The following OR9I1 variants were observed in gnomAD, a reference collection of about 807,000 sequenced individuals.
OR9I1 encodes olfactory receptor 9I1.
In OR9I1, 7 loss-of-function variants were observed where a neutral mutation model predicts 11.2. The observed-to-expected ratio is 0.62, with a 90% confidence interval of 0.36 to 1.17. The LOEUF (loss-of-function observed/expected upper bound fraction) is 1.17. OR9I1 is among the 50% of genes most tolerant of loss of function. The pLI, the probability that OR9I1 is intolerant of heterozygous loss-of-function variation, is 0.02. For synonymous variants in OR9I1, 165 were observed against 153.4 expected, an observed-to-expected ratio of 1.08 and a Z score of -0.56; for missense variants, 428 against 377.2, an observed-to-expected ratio of 1.13 and a Z score of -1.12.
In OR9I1 at chr11:58,118,946, A is replaced by G; in HGVS notation, c.499T>C (p.Ser167Pro). The G allele has an allele frequency of 6.2e-7, 1 of 1,613,998 alleles. No homozygotes were observed. Among genetic ancestry groups the G allele is most frequent in the Non-Finnish European group, 8.5e-7 (1 of 1,179,994 alleles). The change falls in exon 3 of 3, where the codon TCC becomes CCC. Residue 167 changes from serine (S) to proline (P), a missense_variant. Ser to Pro is a moderately conservative substitution (Grantham distance 74, BLOSUM62 -1). Coordinates refer to ENST00000641439, the MANE Select transcript of OR9I1 (RefSeq NM_001005211.2). ...TTTATTTGATTGTCCTTACAGAAGG[A>G]GAGGGTGAAGGTGCAAGTGGTACGC... Reference protein sequence around the residue: ...ILRTTCTFTLSFCKDNQINFF... With the variant: ...ILRTTCTFTLPFCKDNQINFF...
In OR9I1 at chr11:58,119,001, G is replaced by A. The variant is rs536724436; in HGVS notation, c.444C>T (p.Ala148=). The A allele has an allele frequency of 6.2e-7, 1 of 1,613,896 alleles. No individual in the cohort carries two copies. Among genetic ancestry groups the A allele is most frequent in the East Asian group, 2.2e-5 (1 of 44,798 alleles). ...PRLCWSLVVG[A]YVCGVSGAIL... ...TGGCTCCTGACACCCCACAGACATA[G>A]GCTCCTACCACCAGGCTCCAGCAGA... The change falls in exon 3 of 3, where the codon GCC becomes GCT. Residue 148 remains alanine, a synonymous_variant. Coordinates refer to ENST00000641439, the MANE Select transcript of OR9I1 (RefSeq NM_001005211.2).
intron 2 of OR9I1, among the ~76,000 whole-genome samples, chr11:58,123,487 T>G (rs930442826): frequency 6.6e-6 from 1 of 152,198 alleles, no homozygotes. Context: ...GGGGTGCAGA[T>G]GCAATCACAC....
At chr11:58,123,659 A>G (rs1854058472) in intron 2 of OR9I1, among the ~76,000 whole-genome samples, 1 of 152,202 alleles carries the variant, frequency 6.6e-6, no homozygotes, top group Admixed American at 6.5e-5. Context: ...CTAGGAAGGA[A>G]CAGAACAGAC....
Position 58,119,216 on chromosome 11 carries a change from T to C in OR9I1, c.229A>G (p.Ile77Val), listed in dbSNP as rs751690017. 1 of 1,613,904 alleles carries C rather than the reference T, an allele frequency of 6.2e-7. No individual in the cohort carries two copies. Among genetic ancestry groups the C allele is most frequent in the Non-Finnish European group, 8.5e-7 (1 of 1,179,900 alleles). Residue 77 changes from isoleucine to valine, a missense_variant, in exon 3 of 3, where the codon ATC (isoleucine) becomes GTC (valine). By Grantham distance (29) the Ile-to-Val change is conservative. Transcript: ENST00000641439. ...SLLDACYTSV[I>V]TPQILATLAT... ...AATGTGGCTAGGATCTGAGGGGTGATGACTGAGGTGTAACAGGCATCCAGC... is the reference window on the plus strand; with the variant it reads ...AATGTGGCTAGGATCTGAGGGGTGACGACTGAGGTGTAACAGGCATCCAGC...
At chr11:58,123,723 T>TG (rs1854059356) in intron 2 of OR9I1, among the ~76,000 whole-genome samples, 1 of 152,188 alleles carries the variant, frequency 6.6e-6, no homozygotes, top group African/African-American at 2.4e-5. Flanking sequence ...CATCTTATCA[T>TG]GTTCTCTTTT....
At chr11:58,120,603 A>C (rs1252535416) in intron 2 of OR9I1, among the ~76,000 whole-genome samples, 1 of 151,826 alleles carries the variant, frequency 6.6e-6, no homozygotes, top group Non-Finnish European at 1.5e-5. Context: ...AAGTATTAAT[A>C]AGTTAATACC....
intron 2 of OR9I1, among the ~76,000 whole-genome samples, chr11:58,120,159 T>A (rs575818696): frequency 6.6e-6 from 1 of 152,166 alleles, no homozygotes; most frequent in Non-Finnish European, 1.5e-5. Flanking sequence ...CTTCAACATA[T>A]TGCATTTTAT....
Position 58,124,650 on chromosome 11 carries a change from AC to A in OR9I1, c.-224-12del, listed in dbSNP as rs1362013206. On this transcript the variant is annotated splice_polypyrimidine_tract_variant and intron_variant, in intron 1 of 2. Coordinates refer to ENST00000641439, the MANE Select transcript of OR9I1 (RefSeq NM_001005211.2). ...TTTATTTCCTTTCAACTTGACAATA[AC>A]ATAATGAGAGAGAAATATTTTATTT... 1 of 152,220 alleles carries A rather than the reference AC, an allele frequency of 6.6e-6. No homozygotes were observed. Among genetic ancestry groups the A allele is most frequent in the African/African-American group, 2.4e-5 (1 of 41,466 alleles). The allele number at this position is 152,220 out of a possible 1,614,324, so 9.4% of individuals were successfully genotyped here.
chr11:58,124,168 A>C (rs1036678871), intron 2 of OR9I1, among the ~76,000 whole-genome samples: 1 of 152,134 alleles, frequency 6.6e-6, no homozygotes, highest in Non-Finnish European at 1.5e-5. Context: ...TTGGGGTACC[A>C]TCAGCTTGGG....
In OR9I1 at chr11:58,117,586, C is replaced by T. The variant is rs1853969337; in HGVS notation, c.*914G>A. On this transcript the variant is annotated 3_prime_UTR_variant, in exon 3 of 3. Coordinates refer to ENST00000641439, the MANE Select transcript of OR9I1 (RefSeq NM_001005211.2). The stretch of plus-strand genomic sequence containing the variant: ...CTGGTACAGGAGTCATGATTACTTC[C>T]CCTCTCACCAGATCTTCATTAGAGA... The T allele has an allele frequency of 6.6e-6, 1 of 152,060 alleles. No homozygotes were observed. The highest frequency in any genetic ancestry group is 1.5e-5 in the Non-Finnish European group (1 of 68,030). The allele number at this position is 152,060 out of a possible 1,614,324, so 9.4% of individuals were successfully genotyped here. A position where few individuals can be genotyped will look rare whatever the true frequency, so the allele number is the denominator to read the frequency against.
chr11:58,120,316 T>C (rs1242882814), intron 2 of OR9I1, among the ~76,000 whole-genome samples: 3 of 152,154 alleles, frequency 2.0e-5, no homozygotes, highest in African/African-American at 7.2e-5. Flanking sequence ...TTATACATTG[T>C]CCAAAATCAA....
In OR9I1 at chr11:58,119,303, A is replaced by C. The variant is rs2120130827; in HGVS notation, c.142T>G (p.Leu48Val). The change falls in exon 3 of 3, where the codon TTA (leucine) becomes GTA (valine). Residue 48 changes from leucine to valine, a missense_variant. Coordinates refer to ENST00000641439, the MANE Select transcript of OR9I1 (RefSeq NM_001005211.2). ...TAGAGTTTGACATCTACTTGGATTA[A>C]CATAATCATCCCCACATTCCCAAGA... ...TLLGNVGMIMLIQVDVKLYTP... is the reference protein window; with the variant it reads ...TLLGNVGMIMVIQVDVKLYTP... 6.2e-7 allele frequency: 1 copy of C among 1,613,938 alleles called. No homozygotes were observed. Among genetic ancestry groups the C allele is most frequent in the South Asian group, 1.1e-5 (1 of 91,070 alleles).
chr11:58,118,935 C>T lies in OR9I1; in HGVS notation c.510G>A (p.Lys170=), dbSNP rs753060708. ...AGAAGAAGAAGTTTATTTGATTGTC[C>T]TTACAGAAGGAGAGGGTGAAGGTGC... ...TTCTFTLSFC[K]DNQINFFFCD... The change falls in exon 3 of 3, where the codon AAG becomes AAA. Residue 170 remains lysine (K), a synonymous_variant. Coordinates refer to ENST00000641439, the MANE Select transcript of OR9I1 (RefSeq NM_001005211.2). 10 of 1,613,982 alleles carry T rather than the reference C, an allele frequency of 6.2e-6. No homozygotes were observed.
intron 2 of OR9I1, among the ~76,000 whole-genome samples, chr11:58,122,204 G>C (rs907163129): frequency 6.6e-6 from 1 of 152,160 alleles, no homozygotes; most frequent in African/African-American, 2.4e-5. Flanking sequence ...CTTGGGTCTG[G>C]AGCTTACTTC....
rs957900224 is a variant in OR9I1 at position 58,118,020 on chromosome 11, C to T, written c.*480G>A. ...AGACTGAGTTTTTCCTTATACAATA[C>T]TCCCTGCTTAGTGAGGTGATCAGTC... On this transcript the variant is annotated 3_prime_UTR_variant, in exon 3 of 3. Transcript: ENST00000641439. 6.5e-6 allele frequency: 1 copy of T among 152,726 alleles called. No individual in the cohort carries two copies. Among genetic ancestry groups the T allele is most frequent in the African/African-American group, 2.4e-5 (1 of 41,426 alleles). 9.5% of individuals were successfully genotyped at this position (152,726 alleles called of 1,614,324 possible). A position where few individuals can be genotyped will look rare whatever the true frequency, so the allele number is the denominator to read the frequency against.
chr11:58,121,000 C>CT (rs1345265505), intron 2 of OR9I1, among the ~76,000 whole-genome samples: 1 of 151,826 alleles, frequency 6.6e-6, no homozygotes, highest in African/African-American at 2.4e-5. Flanking sequence ...TATATTTTGA[C>CT]TACGGGTTGA....
Position 58,118,567 on chromosome 11 carries a change from C to T in OR9I1, c.878G>A (p.Arg293Lys). ...PMLNPLIYSL[R>K]NKDVKDAFRK... ...GAAGGCGTCTTTTACATCTTTGTTT[C>T]TTAAGCTGTAGATCAGAGGGTTCAG... Residue 293 changes from arginine (R) to lysine (K), a missense_variant, in exon 3 of 3, where the codon AGA (arginine) becomes AAA (lysine). Transcript: ENST00000641439. The T allele has an allele frequency of 6.2e-7, 1 of 1,613,870 alleles. No homozygotes were observed. Among genetic ancestry groups the T allele is most frequent in the South Asian group, 1.1e-5 (1 of 91,014 alleles).
In OR9I1 at chr11:58,117,515, G is replaced by A. The variant is rs757580337; in HGVS notation, c.*985C>T. 1.3e-5 allele frequency: 2 copies of A among 152,148 alleles called. No homozygotes were observed. The highest frequency in any genetic ancestry group is 2.9e-5 in the Non-Finnish European group (2 of 68,028). The allele number at this position is 152,148 out of a possible 1,614,324, so 9.4% of individuals were successfully genotyped here. A position where few individuals can be genotyped will look rare whatever the true frequency, so the allele number is the denominator to read the frequency against. On this transcript the variant is annotated 3_prime_UTR_variant, in exon 3 of 3. Coordinates refer to ENST00000641439, the MANE Select transcript of OR9I1 (RefSeq NM_001005211.2). ...CATACAAATTCTTTCAAAAGGCTTT[G>A]GACTCAATAGTGAAGAAAACATTCT... is the stretch of plus-strand genomic sequence containing the variant.
Position 58,119,005 on chromosome 11 carries a change from C to G in OR9I1, c.440G>C (p.Gly147Ala), listed in dbSNP as rs189405120. The G allele has an allele frequency of 2.0e-5, 32 of 1,613,912 alleles. No homozygotes were observed. The highest frequency in any genetic ancestry group is 1.5e-4 in the African/African-American group (11 of 75,026). The change falls in exon 3 of 3, where the codon GGA becomes GCA. Residue 147 changes from glycine (G) to alanine (A), a missense_variant. Physicochemically the swap from Gly to Ala is moderately conservative, Grantham distance 60 (BLOSUM62 0). Coordinates refer to ENST00000641439, the MANE Select transcript of OR9I1 (RefSeq NM_001005211.2). ...TCCTGACACCCCACAGACATAGGCT[C>G]CTACCACCAGGCTCCAGCAGAGCCT... Reference protein sequence around the residue: ...NPRLCWSLVVGAYVCGVSGAI... With the variant: ...NPRLCWSLVVAAYVCGVSGAI...
Sources: allele counts gnomAD v4.1 joint callset (sites outside exome capture counted in the v4.1 genomes callset), GRCh38; gene constraint gnomAD v4.1.1; transcripts MANE v1.5; gene names NCBI Gene and HGNC (gene_info 2026-07-23, HGNC 2026-07-21).